RAB5A: variants seen among roughly 807,000 people sequenced by gnomAD.
The protein encoded by RAB5A is ras-related protein Rab-5A.
In RAB5A, 8 loss-of-function variants were observed where a neutral mutation model predicts 25.7. The ratio of observed to expected loss-of-function variants is 0.31; its 90% confidence interval spans 0.18 to 0.56. The LOEUF (loss-of-function observed/expected upper bound fraction) is 0.56, where lower values mean the gene tolerates loss of function less well. RAB5A is among the 20% of genes least tolerant of loss of function. The pLI, the probability that RAB5A is intolerant of heterozygous loss-of-function variation, is 0.91. For missense variants in RAB5A, 192 were observed against 259.7 expected (o/e 0.74, Z 1.79); for synonymous variants, 98 against 89.8 (o/e 1.09, Z -0.52).
chr3:19,958,448 C>G (rs1383436843), intron 2 of RAB5A, among the ~76,000 whole-genome samples: 2 of 152,146 alleles, frequency 1.3e-5, no homozygotes, highest in African/African-American at 4.8e-5. Context: ...TTCCCGTGAG[C>G]TGGGAGTCAG....
chr3:19,956,985 A>G (rs1696513604), intron 2 of RAB5A, among the ~76,000 whole-genome samples: 1 of 143,624 alleles, frequency 7.0e-6, no homozygotes, highest in Non-Finnish European at 1.5e-5. Context: ...TCTGTTGCCC[A>G]GGCTGGTGTA....
chr3:19,954,822 CAA>C (rs896173323), intron 2 of RAB5A, among the ~76,000 whole-genome samples: 6 of 151,772 alleles, frequency 4.0e-5, no homozygotes, highest in Non-Finnish European at 8.8e-5. Flanking sequence ...GTCTCAAAAA[CAA>C]AACAAAACAA....
At chr3:19,964,814 G>T (rs908489997) in intron 2 of RAB5A, among the ~76,000 whole-genome samples, 1 of 152,152 alleles carries the variant, frequency 6.6e-6, no homozygotes, top group Non-Finnish European at 1.5e-5. Flanking sequence ...GTTTCACCAT[G>T]TTGGCCGGGC....
At chr3:19,963,699 C>T (rs1232197366) in intron 2 of RAB5A, among the ~76,000 whole-genome samples, 4 of 152,118 alleles carry the variant, frequency 2.6e-5, no homozygotes, top group Admixed American at 2.0e-4. Flanking sequence ...GGCTGAAGAG[C>T]AGTGGCATGA....
At chr3:19,963,890 C>G (rs2125185221) in intron 2 of RAB5A, among the ~76,000 whole-genome samples, 1 of 152,296 alleles carries the variant, frequency 6.6e-6, no homozygotes, top group South Asian at 2.1e-4. Context: ...CTTCCTGAGA[C>G]AGGAATCCCA....
At chr3:19,959,336 A>G (rs1162241486) in intron 2 of RAB5A, among the ~76,000 whole-genome samples, 1 of 152,164 alleles carries the variant, frequency 6.6e-6, no homozygotes, top group Non-Finnish European at 1.5e-5. Flanking sequence ...GATTGAGTGA[A>G]CATTGTAATC....
In RAB5A at chr3:19,983,713, A is replaced by G; in HGVS notation, c.538A>G (p.Lys180Glu). The G allele has an allele frequency of 1.2e-6, 2 of 1,600,842 alleles. No individual in the cohort carries two copies. Among genetic ancestry groups the G allele is most frequent in the South Asian group, 2.2e-5 (2 of 90,034 alleles). The change falls in exon 6 of 6, where the codon AAA becomes GAA. Residue 180 changes from lysine to glutamate, a missense_variant. Transcript: ENST00000273047. The part of the protein sequence containing the change: ...VNEIFMAIAK[K>E]LPKNEPQNPG... ...ATTTGATCATTTTCTTTCAGCTAAAAAATTGCCAAAGAATGAACCACAAAA... is the reference window on the plus strand; with the variant it reads ...ATTTGATCATTTTCTTTCAGCTAAAGAATTGCCAAAGAATGAACCACAAAA...
chr3:19,968,621 G>T (rs1440360919), intron 2 of RAB5A, among the ~76,000 whole-genome samples: 1 of 152,026 alleles, frequency 6.6e-6, no homozygotes, highest in Non-Finnish European at 1.5e-5. Flanking sequence ...ACCATGCCCA[G>T]CTAATTTTTG....
chr3:19,982,576 A>T (rs1217128026), intron 5 of RAB5A, among the ~76,000 whole-genome samples: 1 of 152,138 alleles, frequency 6.6e-6, no homozygotes, highest in Non-Finnish European at 1.5e-5. Context: ...GCGGTCGAGC[A>T]TGGTGGCTCA....
chr3:19,949,611 T>C (rs1380900821), intron 1 of RAB5A, among the ~76,000 whole-genome samples: 2 of 152,234 alleles, frequency 1.3e-5, no homozygotes, highest in Admixed American at 6.5e-5. Flanking sequence ...TGATTAAAGA[T>C]AGAAGGAAAC....
intron 2 of RAB5A, among the ~76,000 whole-genome samples, chr3:19,969,494 A>G (rs1696713203): frequency 6.6e-6 from 1 of 152,218 alleles, no homozygotes; most frequent in South Asian, 2.1e-4. Context: ...CTAAACATTT[A>G]TAATAGCTTT....
chr3:19,960,471 T>C (rs898788674), intron 2 of RAB5A, among the ~76,000 whole-genome samples: 2 of 152,078 alleles, frequency 1.3e-5, no homozygotes, highest in Non-Finnish European at 2.9e-5. Flanking sequence ...CCGGCTAATT[T>C]TGTATTTTTG....
At chr3:19,954,013 A>G (rs1417176653) in intron 2 of RAB5A, among the ~76,000 whole-genome samples, 1 of 149,924 alleles carries the variant, frequency 6.7e-6, no homozygotes, top group African/African-American at 2.4e-5. Context: ...TTGCATTTCA[A>G]CTGTTGGTTT....
intron 2 of RAB5A, among the ~76,000 whole-genome samples, chr3:19,966,569 G>A (rs1345469577): frequency 6.6e-6 from 1 of 152,122 alleles, no homozygotes; most frequent in African/African-American, 2.4e-5. Flanking sequence ...GGAATTGCTG[G>A]ATCATATGGT....
chr3:19,959,728 G>A (rs2125182697), intron 2 of RAB5A, among the ~76,000 whole-genome samples: 1 of 150,462 alleles, frequency 6.6e-6, no homozygotes, highest in South Asian at 2.1e-4. Context: ...CTTGGGTCAA[G>A]CAGTCGTCTC....
intron 2 of RAB5A, among the ~76,000 whole-genome samples, chr3:19,964,226 T>G (rs1227717049): frequency 6.6e-6 from 1 of 152,190 alleles, no homozygotes; most frequent in Non-Finnish European, 1.5e-5. Context: ...TAAAATGTCT[T>G]TTGTAGATAC....
chr3:19,966,326 TGTCCTCAAC>T (rs1270006789), intron 2 of RAB5A, among the ~76,000 whole-genome samples: 1 of 152,252 alleles, frequency 6.6e-6, no homozygotes, highest in African/African-American at 2.4e-5. Flanking sequence ...TTTAGCATAA[TGTCCTCAAC>T]GTTCCATCCA....
In RAB5A at chr3:19,959,524, G is replaced by A. The variant is rs569490391; in HGVS notation, c.163+8463G>A. ...TAGAAAGTGGTCTCAGTTACATTCC[G>A]AGGAAATCTGTAAATTTGCATAACC... On this transcript the variant is annotated intron_variant, in intron 2 of 5. Transcript: ENST00000273047. Among the ~76,000 whole-genome samples, 7 of 151,750 alleles carry A rather than the reference G, an allele frequency of 4.6e-5. No individual in the cohort carries two copies. The South Asian group carries it at 8.3e-4, about 18-fold the overall frequency.
At position 19,969,170 on chromosome 3, in the gene RAB5A, A is replaced by G. The variant is rs543594713; in HGVS notation, c.164-6431A>G. On this transcript the variant is annotated intron_variant, in intron 2 of 5. Coordinates refer to ENST00000273047, the MANE Select transcript of RAB5A (RefSeq NM_004162.5). ...AGCGGTTTTCCTGCCTCAGCCTCCCAAGTAGCTGGGATTACAGGCGCCCAC... is the reference window on the plus strand; with the variant it reads ...AGCGGTTTTCCTGCCTCAGCCTCCCGAGTAGCTGGGATTACAGGCGCCCAC... Among the ~76,000 whole-genome samples, 87 of 149,342 alleles carry G rather than the reference A, an allele frequency of 5.8e-4. No individual in the cohort carries two copies. In the Middle Eastern group the frequency reaches 0.01, roughly 18 times the overall value.
Sources: gnomAD v4.1 joint callset for allele counts (sites outside exome capture counted in the v4.1 genomes callset) on GRCh38, gnomAD v4.1.1 for gene constraint, MANE v1.5 for transcripts, NCBI Gene and HGNC (gene_info 2026-07-23, HGNC 2026-07-21) for gene names.